The following HTR3B variants were observed in gnomAD, a reference collection of about 807,000 sequenced individuals.
HTR3B encodes the protein 5-hydroxytryptamine receptor 3B, also known as 5-hydroxytryptamine (serotonin) receptor 3B, ionotropic.
HTR3B carries 44 observed loss-of-function variants against 42.8 expected under a neutral mutation model. The observed-to-expected ratio is 1.03, with a 90% CI of 0.81 to 1.32. The LOEUF (loss-of-function observed/expected upper bound fraction) is 1.32. Ranked by LOEUF, HTR3B falls within the 40% of genes most tolerant of loss-of-function variation. HTR3B has a pLI of 0.00. For synonymous variants in HTR3B, 203 were observed against 209.0 expected (o/e 0.97, Z 0.25); for missense variants, 527 against 536.5 (o/e 0.98, Z 0.17).
chr11:113,923,698 G>A (rs1392689640), intron 2 of HTR3B, among the ~76,000 whole-genome samples: 2 of 152,026 alleles, frequency 1.3e-5, no homozygotes. Flanking sequence ...AAGATGGAAG[G>A]TATCTAAAGA....
At chr11:113,899,523 G>GCT in the HTR3B span, among the ~76,000 whole-genome samples, 1 of 152,190 alleles carries the variant, frequency 6.6e-6, no homozygotes, top group Non-Finnish European at 1.5e-5. Flanking sequence ...CCAAGGGAGT[G>GCT]AACAAAGAGA....
intron 2 of HTR3B, among the ~76,000 whole-genome samples, chr11:113,919,422 G>T (rs1477145972): frequency 6.6e-6 from 1 of 152,046 alleles, no homozygotes; most frequent in African/African-American, 2.4e-5. Flanking sequence ...ATTTTAATAG[G>T]GATGTTTTTC....
intron 1 of HTR3B, among the ~76,000 whole-genome samples, chr11:113,907,147 G>A (rs918462666): frequency 1.3e-5 from 2 of 152,154 alleles, no homozygotes; most frequent in African/African-American, 2.4e-5. Flanking sequence ...ACCTGCAAGT[G>A]CTTCATAGCT....
At chr11:113,931,256 T>C in intron 2 of HTR3B, 128 bp from the exon 3 acceptor site, 2 of 698,464 alleles carry the variant, frequency 2.9e-6, no homozygotes, top group South Asian at 1.7e-5. Context: ...AGAGTCTAGG[T>C]AATGTTTTTA....
At chr11:113,922,948 C>T (rs1949931304) in intron 2 of HTR3B, among the ~76,000 whole-genome samples, 1 of 152,208 alleles carries the variant, frequency 6.6e-6, no homozygotes. Flanking sequence ...CTTTCTTACT[C>T]ATATTCATAT....
rs58588681 is a variant in HTR3B at position 113,948,863 on chromosome 11, CA to C, written c.*2740del. 2.0e-4 allele frequency among the ~76,000 whole-genome samples: 29 copies of C among 144,998 alleles called. No individual in the cohort carries two copies. Among genetic ancestry groups the C allele is most frequent in the Admixed American group, 2.1e-4 (3 of 14,618 alleles). On this transcript the variant is annotated 3_prime_UTR_variant, in exon 9 of 9. Coordinates refer to ENST00000260191, the MANE Select transcript of HTR3B (RefSeq NM_006028.5). ...GGGCAACAAGAGCTAAACTCTATCT[CA>C]AAAAAAAAAAAAAGTTTAAAGTGCT...
chr11:113,946,329 C>A lies in HTR3B; in HGVS notation c.*192C>A, dbSNP rs372216091. ...CAGCCAGAGCAACATAGTGAGACCA[C>A]ATCTCTACCAGTAAATAAATAAATA... On this transcript the variant is annotated 3_prime_UTR_variant, in exon 9 of 9. Transcript: ENST00000260191. 204 of 460,036 alleles carry A rather than the reference C, an allele frequency of 4.4e-4. No homozygotes were observed. Among genetic ancestry groups the A allele is most frequent in the African/African-American group, 3.6e-3 (179 of 49,426 alleles). 28.5% of individuals were successfully genotyped at this position (460,036 alleles called of 1,614,324 possible). A position where few individuals can be genotyped will look rare whatever the true frequency, so the allele number is the denominator to read the frequency against.
At chr11:113,932,549 G>A (rs1014320962) in intron 5 of HTR3B, 91 bp downstream of exon 5, 5 of 1,120,990 alleles carry the variant, frequency 4.5e-6, no homozygotes, top group East Asian at 4.8e-5. Context: ...TATTCTTGCA[G>A]ATAATTGGCT....
At chr11:113,945,188 G>T (rs1950167156) in intron 8 of HTR3B, among the ~76,000 whole-genome samples, 2 of 152,274 alleles carry the variant, frequency 1.3e-5, no homozygotes, top group African/African-American at 2.4e-5. Flanking sequence ...AGGCTTGACT[G>T]CAGTGGCACA....
chr11:113,947,229 G>T lies in HTR3B; in HGVS notation c.*1092G>T, dbSNP rs45537240. On this transcript the variant is annotated 3_prime_UTR_variant, in exon 9 of 9. Coordinates refer to ENST00000260191, the MANE Select transcript of HTR3B (RefSeq NM_006028.5). ...AGCAATTCCCCTGCCTCAGCCTCCC[G>T]AGTAGCTGGAACTACAGGTGCATGC... Among the ~76,000 whole-genome samples the T allele has an allele frequency of 6.6e-6, 1 of 151,620 alleles. No homozygotes were observed. Among genetic ancestry groups the T allele is most frequent in the African/African-American group, 2.4e-5 (1 of 41,244 alleles).
At chr11:113,907,523 C>A (rs893141229) in intron 1 of HTR3B, among the ~76,000 whole-genome samples, 2 of 152,062 alleles carry the variant, frequency 1.3e-5, no homozygotes, top group African/African-American at 4.8e-5. Flanking sequence ...TTTCCATTTG[C>A]TTATTATTTT....
intron 6 of HTR3B, among the ~76,000 whole-genome samples, chr11:113,938,047 A>C (rs1337667516): frequency 1.3e-5 from 2 of 151,988 alleles, no homozygotes; most frequent in Non-Finnish European, 2.9e-5. Flanking sequence ...CTCTGCCTCC[A>C]TCTTCACATG....
At chr11:113,931,575 T>G (rs1004152358) in intron 3 of HTR3B, 147 bp downstream of exon 3, 3 of 688,056 alleles carry the variant, frequency 4.4e-6, no homozygotes, top group Non-Finnish European at 7.3e-6. Flanking sequence ...TCATTTAAGA[T>G]GTATGGCCCT....
chr11:113,921,171 G>T (rs1391271261), intron 2 of HTR3B, among the ~76,000 whole-genome samples: 2 of 148,950 alleles, frequency 1.3e-5, no homozygotes, highest in African/African-American at 5.0e-5. Flanking sequence ...TTTTGAGTCA[G>T]AGTCTCACTC....
intron 6 of HTR3B, among the ~76,000 whole-genome samples, chr11:113,940,718 T>TGGA (rs1217291336): frequency 6.6e-6 from 1 of 152,226 alleles, no homozygotes; most frequent in Non-Finnish European, 1.5e-5. Context: ...ACCCAATGGC[T>TGGA]GGAGAGCCCC....
chr11:113,910,249 G>A (rs908141530), intron 2 of HTR3B, among the ~76,000 whole-genome samples: 4 of 152,100 alleles, frequency 2.6e-5, no homozygotes, highest in Non-Finnish European at 4.4e-5. Context: ...GTTTATTAAA[G>A]CATCCTTTTT....
intron 1 of HTR3B, among the ~76,000 whole-genome samples, chr11:113,906,633 A>G (rs1451402973): frequency 2.0e-5 from 3 of 152,170 alleles, no homozygotes; most frequent in African/African-American, 7.2e-5. Context: ...TGATATTCTC[A>G]GGGAGCCAGG....
intron 2 of HTR3B, among the ~76,000 whole-genome samples, chr11:113,924,448 T>C (rs1949948009): frequency 6.6e-6 from 1 of 151,888 alleles, no homozygotes; most frequent in Admixed American, 6.6e-5. Context: ...CCACCCTGTT[T>C]CTACAAAAAT....
At chr11:113,935,060 ACACT>A (rs946881372) in intron 6 of HTR3B, among the ~76,000 whole-genome samples, 122 of 152,236 alleles carry the variant, frequency 8.0e-4, no homozygotes, top group African/African-American at 2.8e-3. Flanking sequence ...ACACACACAC[ACACT>A]CTCTCTCTCT....
Sources: gnomAD v4.1 joint callset for allele counts (sites outside exome capture counted in the v4.1 genomes callset) on GRCh38, gnomAD v4.1.1 for gene constraint, MANE v1.5 for transcripts, NCBI Gene and HGNC (gene_info 2026-07-23, HGNC 2026-07-21) for gene names.